The following LZIC variants were observed in gnomAD, a reference collection of about 807,000 sequenced individuals.
LZIC encodes leucine zipper and CTNNBIP1 domain containing, also known as protein LZIC.
A neutral mutation model predicts 25.4 loss-of-function variants in LZIC; 28 were observed. That is an observed-to-expected ratio of 1.10 (90% CI 0.82 to 1.51). The LOEUF (loss-of-function observed/expected upper bound fraction) is 1.51. LZIC is among the 40% of genes most tolerant of loss of function. The probability of loss-of-function intolerance (pLI) is 0.00; values close to 1 mark genes in which losing one functional copy is unlikely to be tolerated. For missense variants in LZIC, 170 were observed against 211.1 expected (o/e 0.81, Z 1.21); for synonymous variants, 65 against 70.7 (o/e 0.92, Z 0.40).
chr1:9,942,513 G>T (rs937263761), intron 2 of LZIC, 111 bp downstream of exon 2: 1 of 355,228 alleles, frequency 2.8e-6, no homozygotes, highest in East Asian at 7.5e-5. Flanking sequence ...AGATTAACTC[G>T]TTGGCACCAC....
chr1:9,929,886 G>A lies in LZIC; in HGVS notation c.*513C>T, dbSNP rs904372299. 1.0e-6 allele frequency: 1 copy of A among 953,596 alleles called. No individual in the cohort carries two copies. The highest frequency in any genetic ancestry group is 1.2e-4 in the East Asian group (1 of 8,688). The allele number at this position is 953,596 out of a possible 1,614,324, so 59.1% of individuals were successfully genotyped here. On this transcript the variant is annotated 3_prime_UTR_variant, in exon 8 of 8. Coordinates refer to ENST00000377223, the MANE Select transcript of LZIC (RefSeq NM_032368.5). ...CCTCAGCTCTCTGATGCGACTTTAA[G>A]CAAAGTCGCTTGCTCTTTCTGGACC... is the stretch of plus-strand genomic sequence containing the variant.
intron 2 of LZIC, among the ~76,000 whole-genome samples, chr1:9,937,195 C>A (rs1640497025): frequency 6.6e-6 from 1 of 152,034 alleles, no homozygotes; most frequent in Non-Finnish European, 1.5e-5. Flanking sequence ...AGATTGAGAC[C>A]ATCCCGGCTA....
At chr1:9,936,391 A>C in intron 3 of LZIC, 128 bp downstream of exon 3, 1 of 623,814 alleles carries the variant, frequency 1.6e-6, no homozygotes, top group Non-Finnish European at 2.8e-6. Flanking sequence ...TTACTTCTCT[A>C]ATAGACAAAG....
rs1570636002 is a variant in LZIC, at chr1:9,933,039, G to A, written c.337-141C>T. ...GGATCACGAGGCGGGCGGATCACGAGGTCAGGAGACCAAGACCATCCTGGC... is the reference window on the plus strand; with the variant it reads ...GGATCACGAGGCGGGCGGATCACGAAGTCAGGAGACCAAGACCATCCTGGC... On this transcript the variant is annotated intron_variant, in intron 5 of 7. Coordinates refer to ENST00000377223, the MANE Select transcript of LZIC (RefSeq NM_032368.5). 11 of 571,770 alleles carry A rather than the reference G, an allele frequency of 1.9e-5. No individual in the cohort carries two copies. The East Asian group carries it at 3.1e-4, about 16-fold the overall frequency. The allele number at this position is 571,770 out of a possible 1,614,324, so 35.4% of individuals were successfully genotyped here. A position where few individuals can be genotyped will look rare whatever the true frequency, so the allele number is the denominator to read the frequency against.
intron 2 of LZIC, among the ~76,000 whole-genome samples, chr1:9,940,641 C>T (rs1462784153): frequency 6.6e-6 from 1 of 152,222 alleles, no homozygotes; most frequent in Non-Finnish European, 1.5e-5. Flanking sequence ...TATTTTCCTA[C>T]ACATAATGAA....
intron 3 of LZIC, 34 bp from the exon 4 acceptor site, chr1:9,935,661 G>A (rs942955904): frequency 9.6e-6 from 15 of 1,565,104 alleles, no homozygotes; most frequent in Admixed American, 8.2e-5. Context: ...ATGGAAAAAT[G>A]AAGAGTTCCA....
intron 4 of LZIC, 51 bp downstream of exon 4, chr1:9,935,425 CTCAAACAAAAACAAGA>C: frequency 1.1e-5 from 16 of 1,518,590 alleles, no homozygotes; most frequent in Non-Finnish European, 1.4e-5. Flanking sequence ...AAGAATGCAT[CTCAAACAAAAACAAGA>C]ACAAACAAAA....
intron 6 of LZIC, chr1:9,932,202 G>C (rs747564787): frequency 2.0e-5 from 8 of 398,936 alleles, no homozygotes; most frequent in Non-Finnish European, 3.2e-5. Context: ...AAAATCAGCT[G>C]GGCGTGGTGG....
downstream of LZIC, among the ~76,000 whole-genome samples, chr1:9,924,308 T>TG (rs909544088): frequency 6.6e-6 from 1 of 151,974 alleles, no homozygotes; most frequent in African/African-American, 2.4e-5. Context: ...TTGTCTTATT[T>TG]GGGGAAAAAA....
rs76319114 is a variant in LZIC, at chr1:9,927,320, T to G, written c.*3079A>C. Among the ~76,000 whole-genome samples the G allele has an allele frequency of 0.017, 2,534 of 152,204 alleles. 67 individuals are homozygous for G. The highest frequency in any genetic ancestry group is 0.056 in the African/African-American group (2,324 of 41,524). ...CAGATTCAGGTAACTCTCTTTATCTTTTTTTTAGACAGGGGTCTCACTTTG... is the reference window on the plus strand; with the variant it reads ...CAGATTCAGGTAACTCTCTTTATCTGTTTTTTAGACAGGGGTCTCACTTTG... On this transcript the variant is annotated 3_prime_UTR_variant, in exon 8 of 8. Coordinates refer to ENST00000377223, the MANE Select transcript of LZIC (RefSeq NM_032368.5).
At chr1:9,933,007 T>C in intron 5 of LZIC, 109 bp from the exon 6 acceptor site, 1 of 687,382 alleles carries the variant, frequency 1.5e-6, no homozygotes, top group East Asian at 2.8e-5. Flanking sequence ...ATCTCAACAC[T>C]TTGGGCGGAT....
At chr1:9,933,098 CA>C (rs1640298316) in intron 5 of LZIC, among the ~76,000 whole-genome samples, 200 bp from the exon 6 acceptor site, 1 of 150,784 alleles carries the variant, frequency 6.6e-6, no homozygotes, top group Non-Finnish European at 1.5e-5. Flanking sequence ...ACTAAAAATA[CA>C]AAAAAAGTAG....
At chr1:9,934,573 C>G (rs1204840274) in intron 5 of LZIC, among the ~76,000 whole-genome samples, 189 bp downstream of exon 5, 1 of 152,200 alleles carries the variant, frequency 6.6e-6, no homozygotes, top group Non-Finnish European at 1.5e-5. Context: ...GCAATTTAAA[C>G]TGCCGTATAT....
chr1:9,933,979 C>T (rs1640348028), intron 5 of LZIC, among the ~76,000 whole-genome samples: 1 of 151,978 alleles, frequency 6.6e-6, no homozygotes, highest in Non-Finnish European at 1.5e-5. Flanking sequence ...ATAATCCCAA[C>T]ACTTTGGGAG....
intron 2 of LZIC, among the ~76,000 whole-genome samples, chr1:9,940,220 A>T (rs559849209): frequency 6.7e-6 from 1 of 149,732 alleles, no homozygotes; most frequent in Non-Finnish European, 1.5e-5. Context: ...TCTGTCGCCC[A>T]GGCTGGAGTG....
chr1:9,934,811 C>T lies in LZIC; in HGVS notation c.287G>A (p.Arg96Lys). ...SQAFKTPEVI[R>K]LFAKKQPGQL... ...ACCTGGTTGTTTCTTTGCAAACAAT[C>T]TGATGACCTCTGGGGTTTTAAAGGC... is the stretch of plus-strand genomic sequence containing the variant. The change falls in exon 5 of 8, where the codon AGA (arginine) becomes AAA (lysine). Residue 96 changes from arginine to lysine, a missense_variant. Coordinates refer to ENST00000377223, the MANE Select transcript of LZIC (RefSeq NM_032368.5). 17 of 1,614,148 alleles carry T rather than the reference C, an allele frequency of 1.1e-5. No homozygotes were observed. Among genetic ancestry groups the T allele is most frequent in the Non-Finnish European group, 1.4e-5 (17 of 1,180,020 alleles).
chr1:9,923,920 T>G (rs1325399159), downstream of LZIC, among the ~76,000 whole-genome samples: 1 of 152,044 alleles, frequency 6.6e-6, no homozygotes, highest in African/African-American at 2.4e-5. Flanking sequence ...GCCCGGCTAA[T>G]TTTTGTATTT....
At chr1:9,942,388 A>ATC (rs908899883) in intron 2 of LZIC, among the ~76,000 whole-genome samples, 14 of 152,226 alleles carry the variant, frequency 9.2e-5, no homozygotes, top group Admixed American at 3.3e-4. Flanking sequence ...GGTCACGTAT[A>ATC]TAAAGGCTCA....
Position 9,936,539 on chromosome 1 carries a change from T to C in LZIC, c.81A>G (p.Leu27=). Residue 27 remains leucine (L), a synonymous_variant, in exon 3 of 8, where the codon TTA becomes TTG. Transcript: ENST00000377223. Reference sequence around the variant, plus strand: ...CTTACCTGCATTCCTCCAGATCTTGTAATTGTTGCATGAGTCTATCCAACT... The same window carrying C: ...CTTACCTGCATTCCTCCAGATCTTGCAATTGTTGCATGAGTCTATCCAACT... ...EEQLDRLMQQ[L]QDLEECREEL... is the part of the protein sequence containing the mutation. The C allele has an allele frequency of 6.2e-7, 1 of 1,612,432 alleles. No individual in the cohort carries two copies. The highest frequency in any genetic ancestry group is 8.5e-7 in the Non-Finnish European group (1 of 1,178,518).
Sources: gnomAD v4.1 joint callset for allele counts (sites outside exome capture counted in the v4.1 genomes callset) on GRCh38, gnomAD v4.1.1 for gene constraint, MANE v1.5 for transcripts, NCBI Gene and HGNC (gene_info 2026-07-23, HGNC 2026-07-21) for gene names.